Variants in RIMS2 observed in about 807,000 individuals in gnomAD.
RIMS2 encodes the protein regulating synaptic membrane exocytosis 2.
In RIMS2, 59 loss-of-function variants were observed where a neutral mutation model predicts 174.4. The observed-to-expected ratio is 0.34, with a 90% CI of 0.27 to 0.42. RIMS2 has a LOEUF of 0.42. RIMS2 is among the 10% of genes least tolerant of loss of function. The pLI, the probability that RIMS2 is intolerant of heterozygous loss-of-function variation, is 1.00. For synonymous variants in RIMS2, 606 were observed against 572.5 expected (o/e 1.06, Z -0.84); for missense variants, 1,620 against 1,666.3 (o/e 0.97, Z 0.48).
intron 19 of RIMS2, among the ~76,000 whole-genome samples, chr8:104,226,701 G>T (rs1406634980): frequency 6.6e-6 from 1 of 152,178 alleles, no homozygotes. Flanking sequence ...GGTGCCCTGA[G>T]AAAGTGAGGG....
intron 3 of RIMS2, among the ~76,000 whole-genome samples, chr8:103,810,971 C>T (rs2098683178): frequency 1.3e-5 from 2 of 149,088 alleles, no homozygotes; most frequent in African/African-American, 4.9e-5. Flanking sequence ...TATATAATAG[C>T]AATGTGCAGT....
intron 19 of RIMS2, among the ~76,000 whole-genome samples, chr8:104,059,046 A>G (rs1203819341): frequency 1.3e-5 from 2 of 151,322 alleles, no homozygotes; most frequent in Non-Finnish European, 2.9e-5. Flanking sequence ...TGACTTGGTG[A>G]TGTGGGCTCT....
At chr8:103,801,903 ACTT>A (rs148803775) in intron 3 of RIMS2, among the ~76,000 whole-genome samples, 1,742 of 152,326 alleles carry the variant, frequency 0.011, 23 homozygotes, top group South Asian at 0.049. Context: ...GCAAGACACT[ACTT>A]ATTACTTGCT....
chr8:103,918,544 C>A, intron 9 of RIMS2, 57 bp downstream of exon 12: 2 of 1,165,144 alleles, frequency 1.7e-6, no homozygotes, highest in Admixed American at 1.7e-5. Context: ...CATCAGAGAT[C>A]AGATGAAGTA....
intron 1 of RIMS2, among the ~76,000 whole-genome samples, chr8:103,567,702 A>G (rs2092475436): frequency 6.6e-6 from 1 of 152,160 alleles, no homozygotes; most frequent in Non-Finnish European, 1.5e-5. Context: ...GCTGGGTCAT[A>G]TGGTAACTCT....
At chr8:103,627,376 A>G (rs1038341378) in intron 1 of RIMS2, among the ~76,000 whole-genome samples, 3 of 152,196 alleles carry the variant, frequency 2.0e-5, no homozygotes, top group Non-Finnish European at 4.4e-5. Context: ...TTGTTCAAAC[A>G]CACATGTTTT....
chr8:104,245,726 T>A (rs930319803), intron 20 of RIMS2, among the ~76,000 whole-genome samples: 8 of 152,348 alleles, frequency 5.3e-5, no homozygotes, highest in African/African-American at 1.9e-4. Flanking sequence ...TTTACTGGCC[T>A]CACTGTCATC....
chr8:103,597,244 A>G (rs2094513544), intron 1 of RIMS2, among the ~76,000 whole-genome samples: 1 of 152,174 alleles, frequency 6.6e-6, no homozygotes, highest in African/African-American at 2.4e-5. Context: ...TTAGCTGCAT[A>G]TAAAGTTCTA....
At chr8:103,576,139 G>A (rs552424561) in intron 1 of RIMS2, among the ~76,000 whole-genome samples, 3 of 152,316 alleles carry the variant, frequency 2.0e-5, no homozygotes, top group Admixed American at 1.3e-4. Flanking sequence ...CCCTGGGCAT[G>A]AATCCCTAGC....
At chr8:103,746,635 G>C (rs1476629621) in intron 2 of RIMS2, among the ~76,000 whole-genome samples, 1 of 151,788 alleles carries the variant, frequency 6.6e-6, no homozygotes, top group African/African-American at 2.4e-5. Flanking sequence ...CACAGTGTGT[G>C]TGTTGTTCTC....
At chr8:104,240,996 G>T (rs1375535148) in intron 19 of RIMS2, among the ~76,000 whole-genome samples, 1 of 151,946 alleles carries the variant, frequency 6.6e-6, no homozygotes, top group African/African-American at 2.4e-5. Context: ...TCACAGAGAG[G>T]GTATGTAACT....
chr8:103,980,775 G>A, intron 16 of RIMS2, among the ~76,000 whole-genome samples: 1 of 152,132 alleles, frequency 6.6e-6, no homozygotes, highest in Admixed American at 6.6e-5. Context: ...AGTGAACATT[G>A]CAGTGGCCTG....
intron 3 of RIMS2, among the ~76,000 whole-genome samples, chr8:103,882,430 T>C (rs1431447483): frequency 1.3e-5 from 2 of 151,624 alleles, no homozygotes; most frequent in Non-Finnish European, 1.5e-5. Context: ...CATTGTTTGA[T>C]ACATGTATTG....
At chr8:103,815,534 A>T (rs1158829707) in intron 3 of RIMS2, among the ~76,000 whole-genome samples, 1 of 152,174 alleles carries the variant, frequency 6.6e-6, no homozygotes, top group Non-Finnish European at 1.5e-5. Context: ...CATCATCTAT[A>T]CCATTTGTAA....
intron 13 of RIMS2, among the ~76,000 whole-genome samples, chr8:103,941,269 A>G (rs1275105386): frequency 6.6e-6 from 1 of 151,890 alleles, no homozygotes; most frequent in East Asian, 1.9e-4. Flanking sequence ...ATAGCTTGAG[A>G]CCAGGAGTCC....
Position 103,890,082 on chromosome 8 carries a change from T to C in RIMS2, c.1624+3859T>C, listed in dbSNP as rs143089276. Reference sequence around the variant, plus strand: ...TGAGACTGTGTATACACAATACTCATCATACAGTATTCAAATCATTTTTGG... The same window carrying C: ...TGAGACTGTGTATACACAATACTCACCATACAGTATTCAAATCATTTTTGG... On this transcript the variant is annotated intron_variant, in intron 4 of 23. Coordinates refer to ENST00000504942, the Ensembl canonical transcript of RIMS2. Among the ~76,000 whole-genome samples the C allele has an allele frequency of 3.3e-3, 507 of 152,114 alleles. 3 individuals are homozygous for C. The highest frequency in any genetic ancestry group is 0.012 in the African/African-American group (481 of 41,562).
At chr8:103,852,148 G>A (rs1173525649) in intron 3 of RIMS2, among the ~76,000 whole-genome samples, 1 of 151,930 alleles carries the variant, frequency 6.6e-6, no homozygotes, top group Non-Finnish European at 1.5e-5. Flanking sequence ...CAGCAAGATT[G>A]GATCCTGTTT....
intron 3 of RIMS2, among the ~76,000 whole-genome samples, chr8:103,842,291 A>T (rs534376042): frequency 6.9e-4 from 105 of 152,198 alleles, no homozygotes; most frequent in African/African-American, 2.5e-3. Flanking sequence ...TTTTACATAT[A>T]AGAAATAAAA....
chr8:104,060,884 G>A (rs2096972724), intron 19 of RIMS2, among the ~76,000 whole-genome samples: 1 of 152,116 alleles, frequency 6.6e-6, no homozygotes, highest in Admixed American at 6.5e-5. Flanking sequence ...GCGGTTTTGA[G>A]TGAGTTTCTT....
Sources: allele counts gnomAD v4.1 joint callset (sites outside exome capture counted in the v4.1 genomes callset), GRCh38; gene constraint gnomAD v4.1.1; transcripts MANE v1.5; gene names NCBI Gene and HGNC (gene_info 2026-07-23, HGNC 2026-07-21).